Variants in PLXDC2 observed in about 807,000 individuals in gnomAD.
The protein encoded by PLXDC2 is plexin domain-containing protein 2.
PLXDC2 carries 40 observed loss-of-function variants against 68.9 expected under a neutral mutation model. The ratio of observed to expected loss-of-function variants is 0.58; its 90% confidence interval spans 0.45 to 0.76. The LOEUF (loss-of-function observed/expected upper bound fraction) is 0.76, where lower values mean the gene tolerates loss of function less well. Ranked by LOEUF, PLXDC2 falls within the 30% of genes least tolerant of loss-of-function variation. The probability of loss-of-function intolerance (pLI) is 0.00; values close to 1 mark genes in which losing one functional copy is unlikely to be tolerated. For missense variants in PLXDC2, 644 were observed against 661.9 expected, an observed-to-expected ratio of 0.97 and a Z score of 0.30; for synonymous variants, 243 against 234.2, an observed-to-expected ratio of 1.04 and a Z score of -0.34.
At chr10:19,951,618 T>C (rs1833994081) in intron 1 of PLXDC2, among the ~76,000 whole-genome samples, 2 of 152,198 alleles carry the variant, frequency 1.3e-5, no homozygotes, top group Admixed American at 1.3e-4. Context: ...AAAACAGAAC[T>C]ATCATTCTAC....
intron 4 of PLXDC2, among the ~76,000 whole-genome samples, chr10:20,141,931 A>C (rs1834012174): frequency 6.6e-6 from 1 of 152,100 alleles, no homozygotes; most frequent in South Asian, 2.1e-4. Flanking sequence ...TGATAAAAGT[A>C]CACATTGAAG....
At chr10:20,189,007 A>C (rs1391651767) in intron 9 of PLXDC2, among the ~76,000 whole-genome samples, 2 of 94,872 alleles carry the variant, frequency 2.1e-5, no homozygotes, top group Non-Finnish European at 5.2e-5. Context: ...TTTTATAATC[A>C]GTTTTTTTTT....
intron 2 of PLXDC2, among the ~76,000 whole-genome samples, chr10:20,019,165 T>C (rs1835261698): frequency 9.4e-6 from 1 of 106,820 alleles, no homozygotes; most frequent in Non-Finnish European, 2.1e-5. Context: ...TAAAAAAGAA[T>C]GAAAACCAAA....
intron 1 of PLXDC2, among the ~76,000 whole-genome samples, chr10:19,858,229 C>T (rs1016358961): frequency 6.6e-6 from 1 of 152,134 alleles, no homozygotes; most frequent in African/African-American, 2.4e-5. Context: ...CCAAATTACC[C>T]TCCTTCATCA....
chr10:20,016,824 G>A (rs952795629), intron 2 of PLXDC2, among the ~76,000 whole-genome samples: 5 of 152,154 alleles, frequency 3.3e-5, no homozygotes, highest in African/African-American at 1.2e-4. Flanking sequence ...GTCAGATGAA[G>A]CAGTGCTTAT....
chr10:19,819,091 A>G (rs1237056085), intron 1 of PLXDC2, among the ~76,000 whole-genome samples: 1 of 151,838 alleles, frequency 6.6e-6, no homozygotes, highest in Non-Finnish European at 1.5e-5. Flanking sequence ...TATGCCAAGA[A>G]GTTCAGAAAT....
At chr10:20,211,474 A>T (rs2131857650) in intron 9 of PLXDC2, among the ~76,000 whole-genome samples, 195 bp from the exon 10 acceptor site, 2 of 152,282 alleles carry the variant, frequency 1.3e-5, no homozygotes, top group Non-Finnish European at 2.9e-5. Flanking sequence ...TGACATCCTA[A>T]GGAATGAGTG....
chr10:20,019,251 A>C (rs1431505411), intron 2 of PLXDC2, among the ~76,000 whole-genome samples: 2 of 152,256 alleles, frequency 1.3e-5, no homozygotes, highest in Non-Finnish European at 2.9e-5. Context: ...ATTTCTACAG[A>C]TATAGCTAGC....
chr10:19,857,211 T>C (rs1400558636), intron 1 of PLXDC2, among the ~76,000 whole-genome samples: 1 of 152,196 alleles, frequency 6.6e-6, no homozygotes, highest in African/African-American at 2.4e-5. Flanking sequence ...AAATAGGAAG[T>C]CATTTTATTA....
chr10:19,998,120 T>C (rs1352725055), intron 1 of PLXDC2, among the ~76,000 whole-genome samples: 2 of 152,168 alleles, frequency 1.3e-5, no homozygotes, highest in African/African-American at 4.8e-5. Flanking sequence ...TATTCAAAGA[T>C]CCCTGCTGTT....
intron 1 of PLXDC2, among the ~76,000 whole-genome samples, chr10:19,888,283 GAAC>G (rs1837885547): frequency 6.6e-6 from 1 of 152,178 alleles, no homozygotes; most frequent in Non-Finnish European, 1.5e-5. Context: ...GGAGTGTACA[GAAC>G]AACTGGGAAA....
intron 1 of PLXDC2, among the ~76,000 whole-genome samples, chr10:19,822,155 ATATATAATGTATATACACTATATATGCAC>A (rs1589484084): frequency 1.3e-5 from 2 of 150,236 alleles, no homozygotes; most frequent in Admixed American, 1.3e-4. Flanking sequence ...TATATATGCA[ATATATAATGTATATACACTATATATGCAC>A]TATATAGTAT....
chr10:19,944,043 G>A (rs867721044), intron 1 of PLXDC2, among the ~76,000 whole-genome samples: 3 of 152,062 alleles, frequency 2.0e-5, no homozygotes, highest in South Asian at 2.1e-4. Context: ...ATGCAGAAAC[G>A]GCCACAAATT....
intron 6 of PLXDC2, among the ~76,000 whole-genome samples, chr10:20,150,279 G>A (rs1834135689): frequency 6.6e-6 from 1 of 152,174 alleles, no homozygotes; most frequent in African/African-American, 2.4e-5. Flanking sequence ...GGGGAAATAG[G>A]TGGTGTTTGG....
intron 1 of PLXDC2, among the ~76,000 whole-genome samples, chr10:19,847,792 G>C (rs1208730578): frequency 6.6e-6 from 1 of 152,130 alleles, no homozygotes; most frequent in Non-Finnish European, 1.5e-5. Flanking sequence ...CTATCACATA[G>C]AGTCTATATT....
intron 6 of PLXDC2, 152 bp from the exon 7 acceptor site, chr10:20,164,316 G>C (rs1365669772): frequency 3.1e-6 from 2 of 650,370 alleles, no homozygotes; most frequent in Non-Finnish European, 2.7e-6. Context: ...TTTTGGTTTC[G>C]TATGTCTCTC....
intron 13 of PLXDC2, among the ~76,000 whole-genome samples, chr10:20,278,877 A>G (rs1251451142): frequency 1.3e-5 from 2 of 152,180 alleles, no homozygotes; most frequent in Non-Finnish European, 2.9e-5. Flanking sequence ...TAGTGTCACT[A>G]TGGCTGTGAA....
rs1362083658 is a variant in PLXDC2 at position 20,164,678 on chromosome 10, A to C, written c.883+111A>C. On this transcript the variant is annotated intron_variant, in intron 7 of 13. Coordinates refer to ENST00000377252, the MANE Select transcript of PLXDC2 (RefSeq NM_032812.9). ...TTAAAAAAAAAATAGCTAATCGATT[A>C]GCTGATTAATGCTTGTTAATTCTGT... 5 of 797,558 alleles carry C rather than the reference A, an allele frequency of 6.3e-6. No individual in the cohort carries two copies. In the East Asian group the frequency reaches 1.3e-4, roughly 21 times the overall value. The allele number at this position is 797,558 out of a possible 1,614,324, so 49.4% of individuals were successfully genotyped here.
Position 20,083,436 on chromosome 10 carries a change from C to T in PLXDC2, c.541+15197C>T, listed in dbSNP as rs1234283165. 2.7e-5 allele frequency among the ~76,000 whole-genome samples: 4 copies of T among 147,028 alleles called. No individual in the cohort carries two copies. The East Asian group carries it at 8.0e-4, about 29-fold the overall frequency. The stretch of plus-strand genomic sequence containing the variant: ...AGCTTGCAGTGAGCCGAGATCGCGC[C>T]ACTGCACTCCAGCCTGGGCAACAGA... On this transcript the variant is annotated intron_variant, in intron 4 of 13. Coordinates refer to ENST00000377252, the MANE Select transcript of PLXDC2 (RefSeq NM_032812.9).
Sources: allele counts gnomAD v4.1 joint callset (sites outside exome capture counted in the v4.1 genomes callset), GRCh38; gene constraint gnomAD v4.1.1; transcripts MANE v1.5; gene names NCBI Gene and HGNC (gene_info 2026-07-23, HGNC 2026-07-21).